The following EFCAB13 variants were observed in gnomAD, a reference collection of about 807,000 sequenced individuals.
The protein encoded by EFCAB13 is EF-hand calcium binding domain 13.
A neutral mutation model predicts 110.2 loss-of-function variants in EFCAB13; 91 were observed. The observed-to-expected ratio is 0.83, with a 90% confidence interval of 0.70 to 0.98. EFCAB13 has a LOEUF of 0.98. EFCAB13 is among the 50% of genes least tolerant of loss of function. The pLI, the probability that EFCAB13 is intolerant of heterozygous loss-of-function variation, is 0.00. For synonymous variants in EFCAB13, 323 were observed against 369.9 expected (o/e 0.87, Z 1.45); for missense variants, 968 against 1,119.4 (o/e 0.86, Z 1.93).
intron 5 of EFCAB13, among the ~76,000 whole-genome samples, chr17:47,338,243 G>GT (rs11334311): frequency 1.1e-3 from 157 of 137,776 alleles, no homozygotes; most frequent in East Asian, 1.3e-3. Flanking sequence ...GTCACTACTA[G>GT]TTTTTTTTTT....
intron 10 of EFCAB13, among the ~76,000 whole-genome samples, chr17:47,365,175 G>A (rs1228288787): frequency 6.6e-6 from 1 of 152,208 alleles, no homozygotes; most frequent in African/African-American, 2.4e-5. Flanking sequence ...CAGATATCAT[G>A]TCTGCTTTAG....
intron 24 of EFCAB13, among the ~76,000 whole-genome samples, chr17:47,439,870 C>T (rs1289761216): frequency 6.6e-6 from 1 of 151,546 alleles, no homozygotes; most frequent in Non-Finnish European, 1.5e-5. Flanking sequence ...CTCCTAAGAA[C>T]CAGTTTTACC....
At chr17:47,398,052 G>A (rs1459900169) in intron 17 of EFCAB13, among the ~76,000 whole-genome samples, 4 of 141,346 alleles carry the variant, frequency 2.8e-5, no homozygotes, top group South Asian at 2.1e-4. Flanking sequence ...CGCTCCGTCC[G>A]GGAGGGAGGT....
At position 47,404,641 on chromosome 17, in the gene EFCAB13, C is replaced by A; in HGVS notation, c.2233+8C>A. On this transcript the variant is annotated splice_region_variant and intron_variant, in intron 20 of 24. Coordinates refer to ENST00000331493, the MANE Select transcript of EFCAB13 (RefSeq NM_152347.5). Reference sequence around the variant, plus strand: ...AATTTTCCAATTATATTGGTAAGAGCTTTATGGTAATACTGTTAGAAGGCA... The same window carrying A: ...AATTTTCCAATTATATTGGTAAGAGATTTATGGTAATACTGTTAGAAGGCA... 1.3e-6 allele frequency: 2 copies of A among 1,599,654 alleles called. No individual in the cohort carries two copies. Among genetic ancestry groups the A allele is most frequent in the Admixed American group, 1.7e-5 (1 of 59,880 alleles).
intron 8 of EFCAB13, among the ~76,000 whole-genome samples, chr17:47,346,617 T>G (rs1228383008): frequency 2.0e-5 from 3 of 152,242 alleles, no homozygotes; most frequent in South Asian, 2.1e-4. Context: ...GTGGCTTTGC[T>G]TTTTCATAGA....
In EFCAB13 at chr17:47,370,488, A is replaced by G. The variant is rs1235285078; in HGVS notation, c.857A>G (p.Gln286Arg). 2 of 1,608,002 alleles carry G rather than the reference A, an allele frequency of 1.2e-6. No homozygotes were observed. The highest frequency in any genetic ancestry group is 2.7e-5 in the African/African-American group (2 of 74,804). ...GDIIFTLNEL[Q>R]EQYEDVSITE... ...ATTATATTTACTTTGAATGAGCTAC[A>G]GGAACAGTATGAGGATGTTTGTAAG... Residue 286 changes from glutamine to arginine, a missense_variant, in exon 11 of 25, where the codon CAG becomes CGG. Gln to Arg is a conservative substitution (Grantham distance 43). Coordinates refer to ENST00000331493, the MANE Select transcript of EFCAB13 (RefSeq NM_152347.5).
At position 47,347,918 on chromosome 17, in the gene EFCAB13, A is replaced by G. The variant is rs200266257; in HGVS notation, c.628A>G (p.Met210Val). 2.1e-5 allele frequency: 32 copies of G among 1,538,724 alleles called. No individual in the cohort carries two copies. The East Asian group carries it at 4.8e-4, about 23-fold the overall frequency. The change falls in exon 9 of 25, where the codon ATG becomes GTG. Residue 210 changes from methionine to valine, a missense_variant. Transcript: ENST00000331493. Reference sequence around the variant, plus strand: ...GAGAATTTCTATAAGTGATTTAGAAATGCGACAGGCACTAAAGACTGTTGA... The same window carrying G: ...GAGAATTTCTATAAGTGATTTAGAAGTGCGACAGGCACTAAAGACTGTTGA... ...ILRISISDLE[M>V]RQALKTVDID...
At position 47,357,324 on chromosome 17, in the gene EFCAB13, T is replaced by A. The variant is rs1288473042; in HGVS notation, c.662-4054T>A. ...ACGATGTGAGTGTCTACTAACTGAC[T>A]ACTTTTTAAATCACAACTTAGAATA... On this transcript the variant is annotated intron_variant, in intron 9 of 24. Transcript: ENST00000331493. Among the ~76,000 whole-genome samples the A allele has an allele frequency of 2.0e-5, 3 of 152,368 alleles. No homozygotes were observed. The East Asian group carries it at 5.8e-4, about 29-fold the overall frequency.
At chr17:47,360,397 T>C (rs1268218098) in intron 9 of EFCAB13, among the ~76,000 whole-genome samples, 2 of 152,216 alleles carry the variant, frequency 1.3e-5, no homozygotes, top group Non-Finnish European at 2.9e-5. Flanking sequence ...CATTTTTTCA[T>C]GTGTCTTTTG....
At chr17:47,335,170 T>C in intron 4 of EFCAB13, 26 bp from the exon 5 acceptor site, 1 of 1,567,354 alleles carries the variant, frequency 6.4e-7, no homozygotes. Flanking sequence ...GAGGACATGC[T>C]TGATTGTGGC....
chr17:47,328,716 A>G (rs1206039380), intron 4 of EFCAB13: 1 of 211,346 alleles, frequency 4.7e-6, no homozygotes, highest in African/African-American at 2.3e-5. Context: ...TATAACCAAA[A>G]AATAATGTAG....
intron 15 of EFCAB13, among the ~76,000 whole-genome samples, chr17:47,392,366 A>T (rs2065712775): frequency 6.6e-6 from 1 of 152,152 alleles, no homozygotes; most frequent in Admixed American, 6.5e-5. Flanking sequence ...ACTTTTTTGT[A>T]AGCTAATTCT....
chr17:47,413,054 C>A, intron 22 of EFCAB13, 138 bp downstream of exon 22: 1 of 710,774 alleles, frequency 1.4e-6, no homozygotes, highest in Non-Finnish European at 2.2e-6. Context: ...AAATTAGAGC[C>A]AAACCACTCT....
Position 47,341,942 on chromosome 17 carries a change from T to C in EFCAB13, c.213T>C (p.Phe71=), listed in dbSNP as rs773582562. The C allele has an allele frequency of 5.0e-6, 8 of 1,585,340 alleles. No homozygotes were observed. The highest frequency in any genetic ancestry group is 1.4e-5 in the African/African-American group (1 of 73,438). ...TTAGATTTGAAACATCAATAATCTT[T>C]TGTGGAGAAGAAAAGTCCTCTGATT... is the stretch of plus-strand genomic sequence containing the variant. The part of the protein sequence containing the change: ...YKKIFETSII[F]CGEEKSSDFS... The change falls in exon 6 of 25, where the codon TTT becomes TTC. Residue 71 remains phenylalanine (F), a synonymous_variant. Transcript: ENST00000331493.
At chr17:47,355,402 T>C (rs1399736551) in intron 9 of EFCAB13, among the ~76,000 whole-genome samples, 1 of 152,174 alleles carries the variant, frequency 6.6e-6, no homozygotes, top group Non-Finnish European at 1.5e-5. Context: ...TCTTTGAGCT[T>C]TTTGTATTTG....
chr17:47,391,814 T>G (rs939205775), intron 15 of EFCAB13, among the ~76,000 whole-genome samples: 19 of 152,198 alleles, frequency 1.2e-4, no homozygotes, highest in African/African-American at 4.3e-4. Flanking sequence ...TATTTATTCT[T>G]TAAATAATCT....
intron 3 of EFCAB13, among the ~76,000 whole-genome samples, chr17:47,326,888 GAAAT>G (rs542451915): frequency 3.8e-3 from 574 of 152,208 alleles, no homozygotes; most frequent in Middle Eastern, 6.8e-3. Flanking sequence ...ACATATGTCA[GAAAT>G]AAATAAAAAT....
intron 11 of EFCAB13, among the ~76,000 whole-genome samples, chr17:47,373,106 T>G (rs1228748872): frequency 1.3e-5 from 2 of 152,182 alleles, no homozygotes; most frequent in African/African-American, 4.8e-5. Context: ...CCCATTATTT[T>G]TCATTCTTTT....
At chr17:47,336,443 C>A (rs1241711204) in intron 5 of EFCAB13, among the ~76,000 whole-genome samples, 2 of 152,122 alleles carry the variant, frequency 1.3e-5, no homozygotes, top group Non-Finnish European at 2.9e-5. Context: ...AGGCGACCAC[C>A]ACCATGCATG....
Sources: gnomAD v4.1 joint callset for allele counts (sites outside exome capture counted in the v4.1 genomes callset) on GRCh38, gnomAD v4.1.1 for gene constraint, MANE v1.5 for transcripts, NCBI Gene and HGNC (gene_info 2026-07-23, HGNC 2026-07-21) for gene names.